YTHDF1: variants seen among roughly 807,000 people sequenced by gnomAD.
YTHDF1 encodes YTH domain-containing family protein 1.
In YTHDF1, 16 loss-of-function variants were observed where a neutral mutation model predicts 49.1. That is an observed-to-expected ratio of 0.33 (90% CI 0.22 to 0.49). The LOEUF (loss-of-function observed/expected upper bound fraction) is 0.49, where lower values mean the gene tolerates loss of function less well. Ranked by LOEUF, YTHDF1 falls within the 20% of genes least tolerant of loss-of-function variation. YTHDF1 has a pLI of 0.99. For missense variants in YTHDF1, 621 were observed against 744.3 expected (o/e 0.83, Z 1.93); for synonymous variants, 313 against 290.1 (o/e 1.08, Z -0.80).
In YTHDF1 at chr20:63,214,008, C is replaced by T. The variant is rs2066589069; in HGVS notation, c.53-65G>A. The T allele has an allele frequency of 2.6e-6, 4 of 1,528,690 alleles. No homozygotes were observed. The South Asian group carries it at 3.7e-5, about 14-fold the overall frequency. 94.7% of individuals were successfully genotyped at this position (1,528,690 alleles called of 1,614,324 possible). A position where few individuals can be genotyped will look rare whatever the true frequency, so the allele number is the denominator to read the frequency against. On this transcript the variant is annotated intron_variant, in intron 2 of 4. Coordinates refer to ENST00000370339, the MANE Select transcript of YTHDF1 (RefSeq NM_017798.4). Reference sequence around the variant, plus strand: ...AAAGATTACTTTTAAGCTTGGAAGGCAAAGTTAGCAAAGTCTATTTCCATC... The same window carrying T: ...AAAGATTACTTTTAAGCTTGGAAGGTAAAGTTAGCAAAGTCTATTTCCATC...
Position 63,202,631 on chromosome 20 carries a change from G to A in YTHDF1, c.1309C>T (p.Leu437Phe), listed in dbSNP as rs1458865514. Residue 437 changes from leucine to phenylalanine, a missense_variant, in exon 4 of 5, where the codon CTC becomes TTC. Leu to Phe is a conservative substitution (Grantham distance 22, BLOSUM62 0). Transcript: ENST00000370339. ...TGCCCACTCCCATTGACGCTGAAGA[G>A]CAGGTAGACGGGCCCCTTGCTGCTC... The part of the protein sequence containing the change: ...CMSSKGPVYL[L>F]FSVNGSGHFC... The A allele has an allele frequency of 6.2e-7, 1 of 1,613,944 alleles. No homozygotes were observed. Among genetic ancestry groups the A allele is most frequent in the Admixed American group, 1.7e-5 (1 of 60,036 alleles).
chr20:63,196,133 A>C lies in YTHDF1; in HGVS notation c.*575T>G, dbSNP rs1601228076. ...TCTGGAAGGAAAGATTTTCAAAAAA[A>C]AAAAAAAAGTGTCTGCCAAATTTGA... On this transcript the variant is annotated 3_prime_UTR_variant, in exon 5 of 5. Coordinates refer to ENST00000370339, the MANE Select transcript of YTHDF1 (RefSeq NM_017798.4). The C allele has an allele frequency of 6.6e-6, 1 of 152,252 alleles. No individual in the cohort carries two copies. Among genetic ancestry groups the C allele is most frequent in the East Asian group, 1.9e-4 (1 of 5,208 alleles). The allele number at this position is 152,252 out of a possible 1,614,324, so 9.4% of individuals were successfully genotyped here.
At chr20:63,209,033 G>A (rs2066561157) in intron 3 of YTHDF1, among the ~76,000 whole-genome samples, 1 of 152,230 alleles carries the variant, frequency 6.6e-6, no homozygotes, top group Non-Finnish European at 1.5e-5. Flanking sequence ...GGAAGTAACT[G>A]TACATCAATG....
At position 63,203,430 on chromosome 20, in the gene YTHDF1, G is replaced by C. The variant is rs2066529185; in HGVS notation, c.510C>G (p.His170Gln). Reference protein sequence around the residue: ...GTVVDGQPGFHSDTLSKAPGM... With the variant: ...GTVVDGQPGFQSDTLSKAPGM... ...CGGGGGCCTTGCTGAGGGTGTCGCTGTGAAAGCCTGGCTGCCCATCAACCA... is the reference window on the plus strand; with the variant it reads ...CGGGGGCCTTGCTGAGGGTGTCGCTCTGAAAGCCTGGCTGCCCATCAACCA... The change falls in exon 4 of 5, where the codon CAC becomes CAG. Residue 170 changes from histidine (H) to glutamine (Q), a missense_variant. Physicochemically the swap from His to Gln is conservative, Grantham distance 24. Transcript: ENST00000370339. The surrounding 1 kb of genome is among the most constrained non-coding windows in gnomAD (Gnocchi z 4.4). The C allele has an allele frequency of 1.2e-6, 2 of 1,612,748 alleles. No homozygotes were observed. Among genetic ancestry groups the C allele is most frequent in the East Asian group, 4.5e-5 (2 of 44,862 alleles).
In YTHDF1 at chr20:63,195,531, A is replaced by T. The variant is rs1203926498; in HGVS notation, c.*1177T>A. Reference sequence around the variant, plus strand: ...GCAGTAACAGTTCAGAGGAAGTGACACGCTCTAAATACAAGTCTAATGATA... The same window carrying T: ...GCAGTAACAGTTCAGAGGAAGTGACTCGCTCTAAATACAAGTCTAATGATA... On this transcript the variant is annotated 3_prime_UTR_variant, in exon 5 of 5. Coordinates refer to ENST00000370339, the MANE Select transcript of YTHDF1 (RefSeq NM_017798.4). The T allele has an allele frequency of 1.3e-5, 2 of 152,676 alleles. No individual in the cohort carries two copies. Among genetic ancestry groups the T allele is most frequent in the African/African-American group, 2.4e-5 (1 of 41,458 alleles). The allele number at this position is 152,676 out of a possible 1,614,324, so 9.5% of individuals were successfully genotyped here.
At chr20:63,206,296 C>A (rs2079431231) in intron 3 of YTHDF1, among the ~76,000 whole-genome samples, 1 of 152,216 alleles carries the variant, frequency 6.6e-6, no homozygotes, top group Admixed American at 6.5e-5. Context: ...GGAGTCAGGC[C>A]ACAGAAACAG....
At chr20:63,201,608 CCAGT>C (rs1297017688) in intron 4 of YTHDF1, among the ~76,000 whole-genome samples, 2 of 152,114 alleles carry the variant, frequency 1.3e-5, no homozygotes, top group African/African-American at 4.8e-5. Flanking sequence ...TCAAAAAGGC[CCAGT>C]CAATGAATTT....
chr20:63,214,790 G>A (rs1314157907), intron 2 of YTHDF1, among the ~76,000 whole-genome samples: 1 of 152,128 alleles, frequency 6.6e-6, no homozygotes, highest in East Asian at 1.9e-4. Context: ...CAAACTGTGG[G>A]GGAAGTATGT....
intron 3 of YTHDF1, among the ~76,000 whole-genome samples, chr20:63,210,744 C>T (rs927164486): frequency 6.6e-6 from 1 of 152,062 alleles, no homozygotes; most frequent in Non-Finnish European, 1.5e-5. Flanking sequence ...GCTGAGATCG[C>T]GCCACTGCAC....
Position 63,203,097 on chromosome 20 carries a change from C to A in YTHDF1, c.843G>T (p.Pro281=). The part of the protein sequence containing the change: ...IGTWDNKGPV[P]KAPVPQQAPS... ...GTGCCTGCTGGGGGACTGGGGCCTT[C>A]GGCACAGGCCCCTTGTTATCCCAGG... Residue 281 remains proline (P), a synonymous_variant, in exon 4 of 5, where the codon CCG becomes CCT. Transcript: ENST00000370339. This position sits in a 1 kb window ranked among gnomAD's most constrained non-coding sequence, Gnocchi z 4.4. 6.2e-7 allele frequency: 1 copy of A among 1,607,966 alleles called. No homozygotes were observed. Among genetic ancestry groups the A allele is most frequent in the Non-Finnish European group, 8.5e-7 (1 of 1,176,430 alleles).
chr20:63,214,478 TACA>T (rs1401441145), intron 2 of YTHDF1, among the ~76,000 whole-genome samples: 12 of 152,178 alleles, frequency 7.9e-5, no homozygotes, highest in Admixed American at 5.9e-4. Context: ...ACACCCATGA[TACA>T]ACCTCAGGAG....
intron 2 of YTHDF1, among the ~76,000 whole-genome samples, chr20:63,214,773 T>C (rs1162440883): frequency 6.6e-6 from 1 of 152,220 alleles, no homozygotes; most frequent in Admixed American, 6.5e-5. Flanking sequence ...AGGAATTTCC[T>C]TGTGGGCAAA....
chr20:63,215,904 A>G lies in YTHDF1; in HGVS notation c.-12T>C. ...CTGGTGGCCGACATGCTTCATGAAC[A>G]ACTAGACGCGGGGCCGGGGCGCCCG... On this transcript the variant is annotated 5_prime_UTR_variant, in exon 1 of 5. Transcript: ENST00000370339. 7.1e-7 allele frequency: 1 copy of G among 1,411,218 alleles called. No homozygotes were observed. Among genetic ancestry groups the G allele is most frequent in the Non-Finnish European group, 9.3e-7 (1 of 1,078,004 alleles). The allele number at this position is 1,411,218 out of a possible 1,614,324, so 87.4% of individuals were successfully genotyped here. A position where few individuals can be genotyped will look rare whatever the true frequency, so the allele number is the denominator to read the frequency against.
chr20:63,211,699 A>C (rs1263412622), intron 3 of YTHDF1, among the ~76,000 whole-genome samples: 1 of 152,114 alleles, frequency 6.6e-6, no homozygotes, highest in Non-Finnish European at 1.5e-5. Context: ...CATACCTGTA[A>C]TCCTAGCACT....
chr20:63,200,285 T>TC (rs1249805508), intron 4 of YTHDF1, among the ~76,000 whole-genome samples: 2 of 151,182 alleles, frequency 1.3e-5, no homozygotes, highest in African/African-American at 4.9e-5. Flanking sequence ...GGCCTGAACC[T>TC]CGGAGGTTGA....
intron 3 of YTHDF1, among the ~76,000 whole-genome samples, chr20:63,213,249 T>G (rs146582423): frequency 3.4e-4 from 52 of 152,230 alleles, no homozygotes; most frequent in African/African-American, 4.8e-4. Flanking sequence ...CTGGCCAACA[T>G]GGTGAAACCC....
chr20:63,212,875 G>A (rs1217190358), intron 3 of YTHDF1, among the ~76,000 whole-genome samples: 2 of 152,152 alleles, frequency 1.3e-5, no homozygotes, highest in Non-Finnish European at 2.9e-5. Flanking sequence ...ACAATGCACA[G>A]GACAGCCCCC....
chr20:63,216,032 T>G lies in YTHDF1; in HGVS notation c.-140A>C. ...GCGCCGGCCGGGCGGCGGCGGCGGC[T>G]GCTGGGCGCGCGGGCCCCTGGCGAG... On this transcript the variant is annotated 5_prime_UTR_variant, in exon 1 of 5. Transcript: ENST00000370339. The G allele has an allele frequency of 1.4e-6, 1 of 698,924 alleles. No homozygotes were observed. Among genetic ancestry groups the G allele is most frequent in the South Asian group, 6.1e-5 (1 of 16,274 alleles). 43.3% of individuals were successfully genotyped at this position (698,924 alleles called of 1,614,324 possible). A position where few individuals can be genotyped will look rare whatever the true frequency, so the allele number is the denominator to read the frequency against.
chr20:63,204,580 G>C (rs965872457), intron 3 of YTHDF1, among the ~76,000 whole-genome samples: 2 of 152,234 alleles, frequency 1.3e-5, no homozygotes, highest in African/African-American at 4.8e-5. Flanking sequence ...TGTGGACTCT[G>C]TGCTCCGGGT....
Sources: gnomAD v4.1 joint callset for allele counts (sites outside exome capture counted in the v4.1 genomes callset) on GRCh38, gnomAD v4.1.1 for gene constraint, Gnocchi (gnomAD v3.1) non-coding constraint, MANE v1.5 for transcripts, NCBI Gene and HGNC (gene_info 2026-07-23, HGNC 2026-07-21) for gene names.